DPYSL5: variants seen among roughly 807,000 people sequenced by gnomAD.
DPYSL5 encodes dihydropyrimidinase-related protein 5.
Under a neutral mutation model 58.4 loss-of-function variants are expected in DPYSL5, and 9 were observed. That is an observed-to-expected ratio of 0.15 (90% confidence interval 0.09 to 0.27). DPYSL5 has a LOEUF of 0.27. Ranked by LOEUF, DPYSL5 falls within the 10% of genes least tolerant of loss-of-function variation. The pLI, the probability that DPYSL5 is intolerant of heterozygous loss-of-function variation, is 1.00. For synonymous variants in DPYSL5, 293 were observed against 301.9 expected (o/e 0.97, Z 0.31); for missense variants, 499 against 770.6 (o/e 0.65, Z 4.17).
chr2:26,943,466 T>C (rs1665378119), intron 11 of DPYSL5, among the ~76,000 whole-genome samples: 2 of 152,190 alleles, frequency 1.3e-5, no homozygotes, highest in South Asian at 4.1e-4. Flanking sequence ...TTTAACCGTG[T>C]TGCTCGGGTT....
At chr2:26,876,102 C>A (rs185775493) in intron 1 of DPYSL5, among the ~76,000 whole-genome samples, 5 of 152,282 alleles carry the variant, frequency 3.3e-5, no homozygotes, top group African/African-American at 1.2e-4. Flanking sequence ...GCCTTTTGAA[C>A]CCCAAATAAT....
intron 8 of DPYSL5, chr2:26,938,765 G>GCA (rs1665244612): frequency 6.6e-6 from 1 of 152,174 alleles, no homozygotes; most frequent in South Asian, 2.1e-4. Flanking sequence ...AAGGCTCTGG[G>GCA]GCCTCTTACA....
At chr2:26,903,629 C>T (rs1052008969) in intron 2 of DPYSL5, among the ~76,000 whole-genome samples, 3 of 152,198 alleles carry the variant, frequency 2.0e-5, no homozygotes, top group Non-Finnish European at 4.4e-5. Context: ...CCTTGTGAGC[C>T]AGGGCTGACA....
chr2:26,862,057 A>G (rs1666030294), intron 1 of DPYSL5, among the ~76,000 whole-genome samples: 1 of 143,772 alleles, frequency 7.0e-6, no homozygotes, highest in South Asian at 2.2e-4. Context: ...AATGTGACTG[A>G]GTGTGGAAAT....
chr2:26,855,148 T>C (rs1401334556), intron 1 of DPYSL5, among the ~76,000 whole-genome samples: 1 of 149,822 alleles, frequency 6.7e-6, no homozygotes, highest in Non-Finnish European at 1.5e-5. Context: ...ATCTGGCCCA[T>C]GCTGGGCGCG....
intron 2 of DPYSL5, among the ~76,000 whole-genome samples, chr2:26,908,355 T>C (rs891316136): frequency 2.0e-5 from 3 of 152,240 alleles, no homozygotes; most frequent in South Asian, 2.1e-4. Flanking sequence ...TCTTCTCTCT[T>C]TCTCTTAAAG....
chr2:26,874,272 G>A (rs1287044723), intron 1 of DPYSL5, among the ~76,000 whole-genome samples: 3 of 151,944 alleles, frequency 2.0e-5, no homozygotes, highest in East Asian at 3.8e-4. Flanking sequence ...TTTAAATTTC[G>A]ATAAAAGTTT....
chr2:26,888,178 T>C (rs111599322), intron 1 of DPYSL5, among the ~76,000 whole-genome samples: 8 of 151,322 alleles, frequency 5.3e-5, no homozygotes, highest in African/African-American at 2.0e-4. Flanking sequence ...TTCTTTCTCT[T>C]TCTTTCTTTT....
rs1380199918 is a variant in DPYSL5, at chr2:26,848,180, C to T, written c.-79C>T. 6.6e-6 allele frequency: 1 copy of T among 151,740 alleles called. No individual in the cohort carries two copies. The highest frequency in any genetic ancestry group is 1.5e-5 in the Non-Finnish European group (1 of 67,982). 9.4% of individuals were successfully genotyped at this position (151,740 alleles called of 1,614,324 possible). A position where few individuals can be genotyped will look rare whatever the true frequency, so the allele number is the denominator to read the frequency against. On this transcript the variant is annotated 5_prime_UTR_variant, in exon 1 of 13. Coordinates refer to ENST00000288699, the MANE Select transcript of DPYSL5 (RefSeq NM_020134.4). ...CGTGCAGCCGCCGCCGCCCCGAGCA[C>T]CCGCAGCTCCGGCGCCGCGGCGAGA...
intron 5 of DPYSL5, among the ~76,000 whole-genome samples, chr2:26,931,201 G>GAATATATATATATATA (rs1664974946): frequency 1.8e-5 from 1 of 54,546 alleles, no homozygotes; most frequent in Non-Finnish European, 3.8e-5. Context: ...GTGTGTGTGT[G>GAATATATATATATATA]TGTATATATA....
At position 26,927,195 on chromosome 2, in the gene DPYSL5, C is replaced by T. The variant is rs1231558201; in HGVS notation, c.421-58C>T. The T allele has an allele frequency of 6.5e-7, 1 of 1,538,806 alleles. No homozygotes were observed. Among genetic ancestry groups the T allele is most frequent in the African/African-American group, 1.4e-5 (1 of 73,552 alleles). On this transcript the variant is annotated intron_variant, in intron 3 of 12. Coordinates refer to ENST00000288699, the MANE Select transcript of DPYSL5 (RefSeq NM_020134.4). This position sits in a 1 kb window ranked among gnomAD's most constrained non-coding sequence, Gnocchi z 4.3. ...TCCCCCATGCTGGGCCGGTGCCTGC[C>T]AGTCGGCCTCTTGGGTGTCTGCCCT... is the stretch of plus-strand genomic sequence containing the variant.
In DPYSL5 at chr2:26,932,208, A is replaced by G. The variant is rs781017153; in HGVS notation, c.714+524A>G. Among the ~76,000 whole-genome samples, 100 of 70,190 alleles carry G rather than the reference A, an allele frequency of 1.4e-3. 1 individual carries two copies. Among genetic ancestry groups the G allele is most frequent in the African/African-American group, 2.9e-3 (50 of 17,448 alleles). The allele number at this position is 70,190 out of a possible 152,430, so 46.0% of individuals were successfully genotyped here. A position where few individuals can be genotyped will look rare whatever the true frequency, so the allele number is the denominator to read the frequency against. ...GAAAGAAAGAAAGAAAGAAAGAAAG[A>G]AAAGAAAGAAAGAAAGAAAGAAAGA... is the stretch of plus-strand genomic sequence containing the variant. On this transcript the variant is annotated intron_variant, in intron 6 of 12. Transcript: ENST00000288699.
intron 6 of DPYSL5, among the ~76,000 whole-genome samples, chr2:26,932,213 AAAG>A (rs766352742): frequency 0.03 from 411 of 13,852 alleles, 7 homozygotes; most frequent in Non-Finnish European, 0.065. Context: ...GAAAGAAAAG[AAAG>A]AAAGAAAGAA....
At chr2:26,919,891 C>A (rs926751785) in intron 2 of DPYSL5, among the ~76,000 whole-genome samples, 18 of 151,876 alleles carry the variant, frequency 1.2e-4, no homozygotes, top group Admixed American at 1.2e-3. Flanking sequence ...TACATGGAGG[C>A]ATGTTTATAC....
chr2:26,942,224 C>T lies in DPYSL5; in HGVS notation c.1232+132C>T, dbSNP rs1665341329. ...AATATGGCCCTGGCCTACCGTTGGC[C>T]ATCTTCTCCCTCCATCTTCACACAG... On this transcript the variant is annotated intron_variant, in intron 10 of 12. Coordinates refer to ENST00000288699, the MANE Select transcript of DPYSL5 (RefSeq NM_020134.4). This position sits in a 1 kb window ranked among gnomAD's most constrained non-coding sequence, Gnocchi z 5.9. 1 of 1,310,948 alleles carries T rather than the reference C, an allele frequency of 7.6e-7. No individual in the cohort carries two copies. The highest frequency in any genetic ancestry group is 1.0e-6 in the Non-Finnish European group (1 of 955,684). 81.2% of individuals were successfully genotyped at this position (1,310,948 alleles called of 1,614,324 possible).
chr2:26,856,620 G>GTA (rs1259930425), intron 1 of DPYSL5, among the ~76,000 whole-genome samples: 1 of 151,810 alleles, frequency 6.6e-6, no homozygotes, highest in African/African-American at 2.4e-5. Flanking sequence ...TTTCTGTTGG[G>GTA]TATATATATA....
At position 26,898,881 on chromosome 2, in the gene DPYSL5, G is replaced by A; in HGVS notation, c.261+121G>A. The A allele has an allele frequency of 8.1e-7, 1 of 1,234,004 alleles. No homozygotes were observed. The allele number at this position is 1,234,004 out of a possible 1,614,324, so 76.4% of individuals were successfully genotyped here. On this transcript the variant is annotated intron_variant, in intron 2 of 12. Coordinates refer to ENST00000288699, the MANE Select transcript of DPYSL5 (RefSeq NM_020134.4). The surrounding 1 kb of genome is among the most constrained non-coding windows in gnomAD (Gnocchi z 6.1). ...CCAGTGTATTGCTGGCAGGAGAAGG[G>A]TGTGTCAGGGCCACTGTGGCAACTA...
In DPYSL5 at chr2:26,849,449, C is replaced by G. The variant is rs1665690953; in HGVS notation, c.-5+1195C>G. Among the ~76,000 whole-genome samples, 1 of 152,044 alleles carries G rather than the reference C, an allele frequency of 6.6e-6. No homozygotes were observed. The highest frequency in any genetic ancestry group is 1.5e-5 in the Non-Finnish European group (1 of 67,986). ...TGGCCGGCTGGGCGTGGCCCTCGGA[C>G]CGGGGTTAGGGACCCAGGATGGCAG... is the stretch of plus-strand genomic sequence containing the variant. On this transcript the variant is annotated intron_variant, in intron 1 of 12. Transcript: ENST00000288699. This position sits in a 1 kb window ranked among gnomAD's most constrained non-coding sequence, Gnocchi z 6.2.
At chr2:26,918,347 T>G (rs1664625889) in intron 2 of DPYSL5, among the ~76,000 whole-genome samples, 1 of 152,090 alleles carries the variant, frequency 6.6e-6, no homozygotes, top group Non-Finnish European at 1.5e-5. Flanking sequence ...GGACCCTTTT[T>G]GGGGGTTGTT....
Sources: allele counts gnomAD v4.1 joint callset (sites outside exome capture counted in the v4.1 genomes callset), GRCh38; gene constraint gnomAD v4.1.1; non-coding constraint Gnocchi (gnomAD v3.1); transcripts MANE v1.5; gene names NCBI Gene and HGNC (gene_info 2026-07-23, HGNC 2026-07-21).